The following NECTIN4 variants were observed in gnomAD, a reference collection of about 807,000 sequenced individuals.
The protein encoded by NECTIN4 is nectin cell adhesion molecule 4.
NECTIN4 carries 19 observed loss-of-function variants against 51.7 expected under a neutral mutation model. The ratio of observed to expected loss-of-function variants is 0.37; its 90% CI spans 0.26 to 0.54. The LOEUF is 0.54. Among genes scored for constraint, NECTIN4 ranks in the 20% least tolerant of loss-of-function variants. The pLI is 0.86. For synonymous variants in NECTIN4, 283 were observed against 286.9 expected, an observed-to-expected ratio of 0.99 and a Z score of 0.14; for missense variants, 619 against 662.4, an observed-to-expected ratio of 0.93 and a Z score of 0.72.
intron 1 of NECTIN4, among the ~76,000 whole-genome samples, chr1:161,085,276 G>A (rs983269785): frequency 1.3e-5 from 2 of 152,174 alleles, no homozygotes; most frequent in Non-Finnish European, 2.9e-5. Flanking sequence ...GAGAACAATG[G>A]GGAGGACAGG....
intron 2 of NECTIN4, among the ~76,000 whole-genome samples, chr1:161,078,448 C>T (rs1453057706): frequency 6.6e-6 from 1 of 151,896 alleles, no homozygotes; most frequent in Non-Finnish European, 1.5e-5. Context: ...GCTGGGATTA[C>T]AGGTGCGCAC....
intron 1 of NECTIN4, chr1:161,084,501 A>C (rs1217986486): frequency 6.6e-6 from 1 of 151,832 alleles, no homozygotes; most frequent in Non-Finnish European, 1.5e-5. Context: ...ATCCTTCCCC[A>C]CCTTACCCCA....
intron 1 of NECTIN4, among the ~76,000 whole-genome samples, chr1:161,088,390 C>T (rs931028652): frequency 6.6e-6 from 1 of 152,170 alleles, no homozygotes; most frequent in African/African-American, 2.4e-5. Flanking sequence ...CACACACACG[C>T]ACACACACTC....
chr1:161,086,855 C>G (rs918687759), intron 1 of NECTIN4: 1 of 152,316 alleles, frequency 6.6e-6, no homozygotes, highest in African/African-American at 2.4e-5. Context: ...TACTCTGGTA[C>G]CCTCTGAGAG....
At chr1:161,075,537 G>A (rs886967525) in intron 4 of NECTIN4, among the ~76,000 whole-genome samples, 7 of 151,512 alleles carry the variant, frequency 4.6e-5, no homozygotes, top group African/African-American at 9.7e-5. Context: ...TTGGGAGGCC[G>A]AGGCTGGCGG....
At chr1:161,078,377 G>A (rs1457991926) in intron 2 of NECTIN4, among the ~76,000 whole-genome samples, 8 of 151,878 alleles carry the variant, frequency 5.3e-5, no homozygotes, top group Admixed American at 4.6e-4. Flanking sequence ...GCATGATCTC[G>A]GCTCACTGCA....
intron 1 of NECTIN4, among the ~76,000 whole-genome samples, chr1:161,085,345 AC>A (rs1457708212): frequency 6.6e-6 from 1 of 150,848 alleles, no homozygotes. Context: ...AGTCCCCTAA[AC>A]CCCCCGGAGC....
chr1:161,079,718 G>C lies in NECTIN4; in HGVS notation c.311C>G (p.Pro104Arg), dbSNP rs769456475. 3.7e-6 allele frequency: 6 copies of C among 1,609,028 alleles called. No individual in the cohort carries two copies. Among genetic ancestry groups the C allele is most frequent in the East Asian group, 4.5e-5 (2 of 44,880 alleles). The change falls in exon 2 of 9, where the codon CCA becomes CGA. Residue 104 changes from proline to arginine, a missense_variant. Pro to Arg is a moderately radical substitution (Grantham distance 103). Around this residue, in one of 3 missense-constraint regions of NECTIN4, gnomAD observed 218 missense variants for 186.3 expected, o/e 1.17. Coordinates refer to ENST00000368012, the MANE Select transcript of NECTIN4 (RefSeq NM_030916.3). ...CACTGAGCCGTCCAGGGGGTTGCGT[G>C]GGGGCGGCGGCTGCTCCACGCGGCC... is the stretch of plus-strand genomic sequence containing the variant. ...YEGRVEQPPP[P>R]RNPLDGSVLL...
intron 2 of NECTIN4, 26 bp from the exon 3 acceptor site, chr1:161,077,769 A>G (rs778303068): frequency 6.3e-7 from 1 of 1,591,654 alleles, no homozygotes; most frequent in African/African-American, 1.3e-5. Context: ...GGCAGGGGTC[A>G]CAGGTCTACA....
chr1:161,089,431 A>G lies in NECTIN4; in HGVS notation c.-135T>C, dbSNP rs1010946583. On this transcript the variant is annotated 5_prime_UTR_variant, in exon 1 of 9. Coordinates refer to ENST00000368012, the MANE Select transcript of NECTIN4 (RefSeq NM_030916.3). The surrounding 1 kb of genome is among the most constrained non-coding windows in gnomAD (Gnocchi z 4.1). The stretch of plus-strand genomic sequence containing the variant: ...TCTTGCCTCTCGCACTTGGGTCTCC[A>G]CTAGGGGACCCAGCCCCAGCCCCGG... 23 of 779,118 alleles carry G rather than the reference A, an allele frequency of 3.0e-5. No individual in the cohort carries two copies. In the East Asian group the frequency reaches 5.9e-4, roughly 20 times the overall value. 48.3% of individuals were successfully genotyped at this position (779,118 alleles called of 1,614,324 possible). A position where few individuals can be genotyped will look rare whatever the true frequency, so the allele number is the denominator to read the frequency against.
chr1:161,086,749 A>G (rs2101680808), intron 1 of NECTIN4, among the ~76,000 whole-genome samples: 1 of 152,246 alleles, frequency 6.6e-6, no homozygotes, highest in Middle Eastern at 3.4e-3. Flanking sequence ...TTTCCCTGTC[A>G]GGGGTGGGGC....
chr1:161,076,225 G>T, intron 4 of NECTIN4, 130 bp downstream of exon 4: 2 of 995,160 alleles, frequency 2.0e-6, no homozygotes, highest in Non-Finnish European at 3.0e-6. Context: ...TAATACAAGA[G>T]ATCTGAACAC....
Position 161,076,353 on chromosome 1 carries a change from A to C in NECTIN4, c.851+2T>G. The C allele has an allele frequency of 6.2e-7, 1 of 1,614,074 alleles. No homozygotes were observed. On this transcript the variant is annotated splice_donor_variant, in intron 4 of 8. Transcript: ENST00000368012. LOFTEE classifies it high-confidence loss of function. ...AGGCCTTCCTCAGGCTCGGGCCCTT[A>C]CCGTGTCCAGTTGTATGAGGGAGGG...
chr1:161,077,668 G>C lies in NECTIN4; in HGVS notation c.515C>G (p.Thr172Arg), dbSNP rs1401101285. 6.2e-7 allele frequency: 1 copy of C among 1,613,294 alleles called. No homozygotes were observed. The highest frequency in any genetic ancestry group is 8.5e-7 in the Non-Finnish European group (1 of 1,180,018). Residue 172 changes from threonine (T) to arginine (R), a missense_variant, in exon 3 of 9, where the codon ACA (threonine) becomes AGA (arginine). Thr to Arg is a moderately conservative substitution (Grantham distance 71, BLOSUM62 -1). Coordinates refer to ENST00000368012, the MANE Select transcript of NECTIN4 (RefSeq NM_030916.3). ...GQGLTLAASC[T>R]AEGSPAPSVT... ...GCTGGGGGCTGGGCTGCCCTCAGCT[G>C]TGCAGGAGGCTGCCAGGGTCAGGCC...
At chr1:161,079,492 T>G in intron 2 of NECTIN4, 98 bp downstream of exon 2, 1 of 1,497,000 alleles carries the variant, frequency 6.7e-7, no homozygotes, top group Non-Finnish European at 9.0e-7. Context: ...CACTTTTTAT[T>G]CCTGTTCTAC....
Position 161,072,220 on chromosome 1 carries a change from G to T in NECTIN4, c.*441C>A. 3.1e-6 allele frequency: 1 copy of T among 325,758 alleles called. No individual in the cohort carries two copies. The highest frequency in any genetic ancestry group is 6.0e-6 in the Non-Finnish European group (1 of 165,830). 20.2% of individuals were successfully genotyped at this position (325,758 alleles called of 1,614,324 possible). ...CATCATTAATACTGCTCTGGGGTCT[G>T]AGAAAATACCTGCTTTTTCAGGCAG... On this transcript the variant is annotated 3_prime_UTR_variant, in exon 9 of 9. Coordinates refer to ENST00000368012, the MANE Select transcript of NECTIN4 (RefSeq NM_030916.3).
chr1:161,079,004 T>A (rs1312205666), intron 2 of NECTIN4, among the ~76,000 whole-genome samples: 1 of 152,050 alleles, frequency 6.6e-6, no homozygotes, highest in Non-Finnish European at 1.5e-5. Context: ...AGAGCGAGAC[T>A]CTGTCTCAAA....
chr1:161,080,012 C>CACAATG, intron 1 of NECTIN4, 63 bp from the exon 2 acceptor site: 2 of 1,529,286 alleles, frequency 1.3e-6, no homozygotes, highest in East Asian at 2.3e-5. Flanking sequence ...GGAGCACAGT[C>CACAATG]ATAATGATAA....
rs1012737031 is a variant in NECTIN4, at chr1:161,077,594, T to C, written c.589A>G (p.Lys197Glu). ...VKGTTSSRSF[K>E]HSRSAAVTSE... ...GTGACGGCAGCAGAGCGGGAGTGCT[T>C]GAAGGAACGGCTGGACGTTGTGCCT... is the stretch of plus-strand genomic sequence containing the variant. Residue 197 changes from lysine (K) to glutamate (E), a missense_variant, in exon 3 of 9, where the codon AAG (lysine) becomes GAG (glutamate). Physicochemically the swap from Lys to Glu is moderately conservative, Grantham distance 56. This residue lies in a region of NECTIN4 where 364 missense variants were observed against 415.7 expected (regional missense o/e 0.88). Coordinates refer to ENST00000368012, the MANE Select transcript of NECTIN4 (RefSeq NM_030916.3). 2 of 1,613,784 alleles carry C rather than the reference T, an allele frequency of 1.2e-6. No homozygotes were observed. The highest frequency in any genetic ancestry group is 1.7e-6 in the Non-Finnish European group (2 of 1,180,032).
Sources: gnomAD v4.1 joint callset for allele counts (sites outside exome capture counted in the v4.1 genomes callset) on GRCh38, gnomAD v4.1.1 for gene constraint, gnomAD v4.1.1 regional missense constraint, Gnocchi (gnomAD v3.1) non-coding constraint, MANE v1.5 for transcripts, NCBI Gene and HGNC (gene_info 2026-07-23, HGNC 2026-07-21) for gene names.